CPLX1: variants seen among roughly 807,000 people sequenced by gnomAD.
CPLX1 encodes complexin 1, also known as complexin-1.
A neutral mutation model predicts 15.6 loss-of-function variants in CPLX1; 6 were observed. The observed-to-expected ratio is 0.39, with a 90% CI of 0.21 to 0.76. CPLX1 has a LOEUF of 0.76. Among genes scored for constraint, CPLX1 ranks in the 30% least tolerant of loss-of-function variants. The pLI is 0.43. For synonymous variants in CPLX1, 91 were observed against 75.2 expected, an observed-to-expected ratio of 1.21 and a Z score of -1.08; for missense variants, 242 against 188.6, an observed-to-expected ratio of 1.28 and a Z score of -1.66.
intron 2 of CPLX1, among the ~76,000 whole-genome samples, chr4:796,189 A>G (rs1191680803): frequency 6.6e-6 from 1 of 152,202 alleles, no homozygotes. Context: ...ATTAAAGTTG[A>G]TTTTTAAAGC....
intron 2 of CPLX1, among the ~76,000 whole-genome samples, chr4:816,302 TCCGCCTCC>T (rs1319862161): frequency 6.7e-6 from 1 of 150,202 alleles, no homozygotes; most frequent in Non-Finnish European, 1.5e-5. Flanking sequence ...CACTGCAACT[TCCGCCTCC>T]CGGGTTCAAG....
At chr4:795,806 G>C (rs562303877) in intron 2 of CPLX1, among the ~76,000 whole-genome samples, 3 of 105,756 alleles carry the variant, frequency 2.8e-5, no homozygotes, top group Non-Finnish European at 5.4e-5. Flanking sequence ...GAGAGGGGGT[G>C]GGGGGGGGGT....
intron 2 of CPLX1, among the ~76,000 whole-genome samples, chr4:807,546 C>G (rs1417393898): frequency 6.6e-6 from 1 of 151,922 alleles, no homozygotes; most frequent in Non-Finnish European, 1.5e-5. Flanking sequence ...ACAATCTCGG[C>G]TCACTGCAAC....
At chr4:825,000 T>TG (rs1746950669) in intron 1 of CPLX1, among the ~76,000 whole-genome samples, 1 of 152,058 alleles carries the variant, frequency 6.6e-6, no homozygotes. Flanking sequence ...GGAGAAGGGT[T>TG]GGGGGTGGGT....
chr4:794,912 G>T (rs1577472436), intron 2 of CPLX1, among the ~76,000 whole-genome samples: 1 of 152,202 alleles, frequency 6.6e-6, no homozygotes, highest in South Asian at 2.1e-4. Context: ...AGAGCACCAG[G>T]TGTGCTGCGC....
At chr4:825,743 G>C (rs1577001225) in intron 1 of CPLX1, among the ~76,000 whole-genome samples, 1 of 151,206 alleles carries the variant, frequency 6.6e-6, no homozygotes, top group Admixed American at 6.6e-5. Flanking sequence ...CGCGCGCGCG[G>C]AGCCCGGGAG....
chr4:822,218 A>C (rs1189384427), intron 2 of CPLX1, among the ~76,000 whole-genome samples: 4 of 130,386 alleles, frequency 3.1e-5, no homozygotes, highest in Non-Finnish European at 4.9e-5. Flanking sequence ...CTATCTCTCT[A>C]ACTCTCTCTG....
At chr4:786,776 G>T in intron 3 of CPLX1, 78 bp from the exon 4 acceptor site, 2 of 1,494,152 alleles carry the variant, frequency 1.3e-6, no homozygotes, top group Non-Finnish European at 1.8e-6. Flanking sequence ...CCAGGGACTG[G>T]CCCAGGAACC....
At chr4:791,448 C>T (rs1746173355) in intron 3 of CPLX1, among the ~76,000 whole-genome samples, 1 of 152,150 alleles carries the variant, frequency 6.6e-6, no homozygotes, top group South Asian at 2.1e-4. Context: ...CCGCACCTGC[C>T]CCGCCCCTGC....
intron 2 of CPLX1, among the ~76,000 whole-genome samples, chr4:817,070 C>G (rs1417601047): frequency 5.9e-5 from 9 of 152,008 alleles, no homozygotes; most frequent in Non-Finnish European, 1.5e-5. Flanking sequence ...AAGGCAACAA[C>G]AAAGATGACA....
rs559305192 is a variant in CPLX1 at position 812,896 on chromosome 4, G to A, written c.31+11596C>T. On this transcript the variant is annotated intron_variant, in intron 2 of 3. Transcript: ENST00000304062. ...ACCCTTACAAATGATAGTGTACTGA[G>A]TTTTGTTTAAACATGATGGATTGAA... Among the ~76,000 whole-genome samples the A allele has an allele frequency of 1.5e-3, 231 of 152,296 alleles. 2 individuals carry two copies. Among genetic ancestry groups the A allele is most frequent in the Middle Eastern group, 6.8e-3 (2 of 294 alleles).
At chr4:801,620 G>A (rs1746461977) in intron 2 of CPLX1, among the ~76,000 whole-genome samples, 4 of 152,168 alleles carry the variant, frequency 2.6e-5, no homozygotes, top group Admixed American at 2.6e-4. Context: ...GTTGTGCCCG[G>A]GAGCACCAGG....
At chr4:800,851 A>ATATATATGTG (rs1560241335) in intron 2 of CPLX1, among the ~76,000 whole-genome samples, 1 of 140,674 alleles carries the variant, frequency 7.1e-6, no homozygotes, top group Non-Finnish European at 1.5e-5. Context: ...ATATATATGT[A>ATATATATGTG]TATATATATA....
chr4:786,716 G>A lies in CPLX1; in HGVS notation c.208-18C>T, dbSNP rs1221833697. On this transcript the variant is annotated intron_variant, in intron 3 of 3. Coordinates refer to ENST00000304062, the MANE Select transcript of CPLX1 (RefSeq NM_006651.4). ...ATGCCGTACTGCGGGGGAGGCGGGGGTCAGGGCGGGGGTCCCGGCGGCTCC... is the reference window on the plus strand; with the variant it reads ...ATGCCGTACTGCGGGGGAGGCGGGGATCAGGGCGGGGGTCCCGGCGGCTCC... 3 of 1,577,994 alleles carry A rather than the reference G, an allele frequency of 1.9e-6. No individual in the cohort carries two copies. Among genetic ancestry groups the A allele is most frequent in the South Asian group, 1.2e-5 (1 of 86,534 alleles).
At chr4:819,493 G>A (rs867837388) in intron 2 of CPLX1, among the ~76,000 whole-genome samples, 84 of 152,378 alleles carry the variant, frequency 5.5e-4, no homozygotes, top group African/African-American at 1.9e-3. Context: ...CTGAACAAAT[G>A]TTGGCATTTT....
chr4:806,513 C>G (rs777633642), intron 2 of CPLX1, among the ~76,000 whole-genome samples: 1 of 152,134 alleles, frequency 6.6e-6, no homozygotes, highest in Non-Finnish European at 1.5e-5. Context: ...ATGAAAACAT[C>G]AAAAGCAATT....
At chr4:809,860 C>T (rs1346118800) in intron 2 of CPLX1, among the ~76,000 whole-genome samples, 1 of 151,868 alleles carries the variant, frequency 6.6e-6, no homozygotes, top group Non-Finnish European at 1.5e-5. Context: ...GTGGTATCTG[C>T]AGCAGGCGGG....
chr4:819,343 C>G (rs957674590), intron 2 of CPLX1, among the ~76,000 whole-genome samples: 7 of 152,236 alleles, frequency 4.6e-5, no homozygotes, highest in Non-Finnish European at 8.8e-5. Flanking sequence ...AAGGACTGCC[C>G]TTCACGGTTT....
chr4:789,368 G>T (rs1012247829), intron 3 of CPLX1, among the ~76,000 whole-genome samples: 1 of 152,184 alleles, frequency 6.6e-6, no homozygotes, highest in Non-Finnish European at 1.5e-5. Context: ...GTGAGACCCT[G>T]AACCCTGAAA....
Sources: gnomAD v4.1 joint callset for allele counts (sites outside exome capture counted in the v4.1 genomes callset) on GRCh38, gnomAD v4.1.1 for gene constraint, MANE v1.5 for transcripts, NCBI Gene and HGNC (gene_info 2026-07-23, HGNC 2026-07-21) for gene names.